POU5F2: variants seen among roughly 807,000 people sequenced by gnomAD.
POU5F2 encodes the protein POU domain, class 5, transcription factor 2.
For synonymous variants in POU5F2, 191 were observed against 178.7 expected, an observed-to-expected ratio of 1.07 and a Z score of -0.55; for missense variants, 401 against 426.6, an observed-to-expected ratio of 0.94 and a Z score of 0.53.
In POU5F2 at chr5:93,737,762, G is replaced by A. The variant is rs887427363; in HGVS notation, c.*2815C>T. ...AAAGAACATCTCCTCAACAAATGGT[G>A]CTGGGAAAACTGGCTATCCACATGC... On this transcript the variant is annotated 3_prime_UTR_variant, in exon 1 of 1. Transcript: ENST00000606183. 7 of 329,668 alleles carry A rather than the reference G, an allele frequency of 2.1e-5. No homozygotes were observed. 20.4% of individuals were successfully genotyped at this position (329,668 alleles called of 1,614,324 possible).
chr5:93,734,533 C>T lies in POU5F2; in HGVS notation c.*6044G>A, dbSNP rs1226948571. On this transcript the variant is annotated 3_prime_UTR_variant, in exon 1 of 1. Transcript: ENST00000606183. ...TTATTCTGCTTATACTCTAAAGGGG[C>T]TCAGCATCTTCAGATTAAAAATACT... is the stretch of plus-strand genomic sequence containing the variant. 6.6e-6 allele frequency: 1 copy of T among 152,092 alleles called. No homozygotes were observed. Among genetic ancestry groups the T allele is most frequent in the Non-Finnish European group, 1.5e-5 (1 of 68,014 alleles). 9.4% of individuals were successfully genotyped at this position (152,092 alleles called of 1,614,324 possible).
rs940899889 is a variant in POU5F2, at chr5:93,738,993, G to A, written c.*1584C>T. ...AAAGGTAAAGTTTCTACAGTCTCAT[G>A]AAGAAAAGATTAAATAAAAAGCTTA... On this transcript the variant is annotated 3_prime_UTR_variant, in exon 1 of 1. Coordinates refer to ENST00000606183, the MANE Select transcript of POU5F2 (RefSeq NM_153216.2). 2 of 152,198 alleles carry A rather than the reference G, an allele frequency of 1.3e-5. No individual in the cohort carries two copies. The highest frequency in any genetic ancestry group is 2.1e-4 in the South Asian group (1 of 4,828). The allele number at this position is 152,198 out of a possible 1,614,324, so 9.4% of individuals were successfully genotyped here.
At position 93,740,678 on chromosome 5, in the gene POU5F2, G is replaced by A. The variant is rs1382960007; in HGVS notation, c.886C>T (p.Leu296=). The A allele has an allele frequency of 6.2e-7, 1 of 1,613,834 alleles. No homozygotes were observed. Among genetic ancestry groups the A allele is most frequent in the Non-Finnish European group, 8.5e-7 (1 of 1,179,882 alleles). Residue 296 remains leucine (L), a synonymous_variant, in exon 1 of 1, where the codon CTG becomes TTG. Coordinates refer to ENST00000606183, the MANE Select transcript of POU5F2 (RefSeq NM_153216.2). ...PGAPVCFHLG[L]GLPVDIPHYT... ...TGGGGGATATCCACTGGGAGCCCCA[G>A]TCCCAGGTGAAAGCACACTGGTGCT...
chr5:93,733,390 G>A lies in POU5F2; in HGVS notation c.*7187C>T, dbSNP rs1746556147. 1 of 151,822 alleles carries A rather than the reference G, an allele frequency of 6.6e-6. No homozygotes were observed. Among genetic ancestry groups the A allele is most frequent in the South Asian group, 2.1e-4 (1 of 4,808 alleles). 9.4% of individuals were successfully genotyped at this position (151,822 alleles called of 1,614,324 possible). ...TAACTTTTGTATTTTTAGTAGAGAT[G>A]GGTTTTTACCATGTAGACCAGGATG... On this transcript the variant is annotated 3_prime_UTR_variant, in exon 1 of 1. Coordinates refer to ENST00000606183, the MANE Select transcript of POU5F2 (RefSeq NM_153216.2).
Position 93,740,792 on chromosome 5 carries a change from A to T in POU5F2, c.772T>A (p.Phe258Ile). Residue 258 changes from phenylalanine (F) to isoleucine (I), a missense_variant, in exon 1 of 1, where the codon TTC becomes ATC. Transcript: ENST00000606183. ...CTGCCCATCTTGCTGCGGTTATAGAACCAAACTCGAACCACATCCTTCTGC... is the reference window on the plus strand; with the variant it reads ...CTGCCCATCTTGCTGCGGTTATAGATCCAAACTCGAACCACATCCTTCTGC... ...QLQKDVVRVW[F>I]YNRSKMGSRP... 1 of 1,612,668 alleles carries T rather than the reference A, an allele frequency of 6.2e-7. No homozygotes were observed. Among genetic ancestry groups the T allele is most frequent in the Non-Finnish European group, 8.5e-7 (1 of 1,179,194 alleles).
chr5:93,741,422 G>A lies in POU5F2; in HGVS notation c.142C>T (p.Pro48Ser). ...QAAPGRVMVW[P>S]AVRPGICPGP... ...GGGCAGATCCCTGGCCTGACTGCCG[G>A]CCAGACCATCACCCTGCCAGGGGCC... The change falls in exon 1 of 1, where the codon CCG (proline) becomes TCG (serine). Residue 48 changes from proline (P) to serine (S), a missense_variant. Coordinates refer to ENST00000606183, the MANE Select transcript of POU5F2 (RefSeq NM_153216.2). 1 of 1,613,452 alleles carries A rather than the reference G, an allele frequency of 6.2e-7. No individual in the cohort carries two copies. The highest frequency in any genetic ancestry group is 8.5e-7 in the Non-Finnish European group (1 of 1,179,790).
chr5:93,738,479 CA>C lies in POU5F2; in HGVS notation c.*2097del, dbSNP rs1747697392. 1 of 152,124 alleles carries C rather than the reference CA, an allele frequency of 6.6e-6. No individual in the cohort carries two copies. The highest frequency in any genetic ancestry group is 2.4e-5 in the African/African-American group (1 of 41,412). 9.4% of individuals were successfully genotyped at this position (152,124 alleles called of 1,614,324 possible). ...CAAGAGAACTGAAACAACAGATAAA[CA>C]AATAGATTATTATATGTAAATGTTC... On this transcript the variant is annotated 3_prime_UTR_variant, in exon 1 of 1. Transcript: ENST00000606183.
At position 93,739,655 on chromosome 5, in the gene POU5F2, A is replaced by G. The variant is rs1449730077; in HGVS notation, c.*922T>C. The G allele has an allele frequency of 1.3e-5, 2 of 152,172 alleles. No individual in the cohort carries two copies. The highest frequency in any genetic ancestry group is 2.9e-5 in the Non-Finnish European group (2 of 68,032). The allele number at this position is 152,172 out of a possible 1,614,324, so 9.4% of individuals were successfully genotyped here. ...GTAGAAGTGGAAAACTGAAAAGACC[A>G]ATTTCAGAGATGAAATTAGAAGAGT... On this transcript the variant is annotated 3_prime_UTR_variant, in exon 1 of 1. Transcript: ENST00000606183.
rs1421348192 is a variant in POU5F2, at chr5:93,735,794, T to C, written c.*4783A>G. The C allele has an allele frequency of 6.6e-6, 1 of 152,058 alleles. No individual in the cohort carries two copies. The highest frequency in any genetic ancestry group is 1.5e-5 in the Non-Finnish European group (1 of 68,020). 9.4% of individuals were successfully genotyped at this position (152,058 alleles called of 1,614,324 possible). On this transcript the variant is annotated 3_prime_UTR_variant, in exon 1 of 1. Coordinates refer to ENST00000606183, the MANE Select transcript of POU5F2 (RefSeq NM_153216.2). The stretch of plus-strand genomic sequence containing the variant: ...TAGACACTGACAAGAAGAAAAAGCA[T>C]ACATTTGTTAAGCTGGGTCCCTGTA...
chr5:93,740,412 C>A lies in POU5F2; in HGVS notation c.*165G>T, dbSNP rs1580994009. ...ACTTCATCTTCTCTCCCAGGTTTTT[C>A]TTGAACAATTCCCACCCCCATTCCC... On this transcript the variant is annotated 3_prime_UTR_variant, in exon 1 of 1. Transcript: ENST00000606183. The A allele has an allele frequency of 2.8e-6, 2 of 710,284 alleles. No individual in the cohort carries two copies. Among genetic ancestry groups the A allele is most frequent in the Non-Finnish European group, 4.5e-6 (2 of 446,508 alleles). The allele number at this position is 710,284 out of a possible 1,614,324, so 44.0% of individuals were successfully genotyped here. A position where few individuals can be genotyped will look rare whatever the true frequency, so the allele number is the denominator to read the frequency against.
chr5:93,735,043 C>T lies in POU5F2; in HGVS notation c.*5534G>A, dbSNP rs1020166407. The T allele has an allele frequency of 6.6e-6, 1 of 152,232 alleles. No homozygotes were observed. Among genetic ancestry groups the T allele is most frequent in the Admixed American group, 6.5e-5 (1 of 15,278 alleles). The allele number at this position is 152,232 out of a possible 1,614,324, so 9.4% of individuals were successfully genotyped here. On this transcript the variant is annotated 3_prime_UTR_variant, in exon 1 of 1. Coordinates refer to ENST00000606183, the MANE Select transcript of POU5F2 (RefSeq NM_153216.2). ...AAGTGCTGGAATTACAGGCATGAGC[C>T]ACCGCACCTGGCCAATGTATCTTGG...
In POU5F2 at chr5:93,739,314, A is replaced by T. The variant is rs1395674147; in HGVS notation, c.*1263T>A. On this transcript the variant is annotated 3_prime_UTR_variant, in exon 1 of 1. Transcript: ENST00000606183. Reference sequence around the variant, plus strand: ...CTAAAAAAGAACAATGAAAGAAACCAGAAGAAACTAGGAAAAAATTAAGAA... The same window carrying T: ...CTAAAAAAGAACAATGAAAGAAACCTGAAGAAACTAGGAAAAAATTAAGAA... 6.6e-6 allele frequency: 1 copy of T among 152,182 alleles called. No individual in the cohort carries two copies. Among genetic ancestry groups the T allele is most frequent in the Non-Finnish European group, 1.5e-5 (1 of 68,036 alleles). 9.4% of individuals were successfully genotyped at this position (152,182 alleles called of 1,614,324 possible). A position where few individuals can be genotyped will look rare whatever the true frequency, so the allele number is the denominator to read the frequency against.
rs1424725462 is a variant in POU5F2, at chr5:93,733,985, CAG to C, written c.*6590_*6591del. 6.6e-6 allele frequency: 1 copy of C among 152,152 alleles called. No individual in the cohort carries two copies. Among genetic ancestry groups the C allele is most frequent in the African/African-American group, 2.4e-5 (1 of 41,422 alleles). 9.4% of individuals were successfully genotyped at this position (152,152 alleles called of 1,614,324 possible). On this transcript the variant is annotated 3_prime_UTR_variant, in exon 1 of 1. Coordinates refer to ENST00000606183, the MANE Select transcript of POU5F2 (RefSeq NM_153216.2). ...TTCTGAAAAACAAATCCCCATGAGA[CAG>C]ACTTGGTATAATAAACAAGGATATA...
rs189444246 is a variant in POU5F2, at chr5:93,736,248, T to C, written c.*4329A>G. ...CTAATCTTATACAAGTGTATATGTG[T>C]AATCTTGATACACCTCCATTGTCCA... On this transcript the variant is annotated 3_prime_UTR_variant, in exon 1 of 1. Coordinates refer to ENST00000606183, the MANE Select transcript of POU5F2 (RefSeq NM_153216.2). 81 of 152,316 alleles carry C rather than the reference T, an allele frequency of 5.3e-4. No homozygotes were observed. Among genetic ancestry groups the C allele is most frequent in the African/African-American group, 1.9e-3 (78 of 41,574 alleles). The allele number at this position is 152,316 out of a possible 1,614,324, so 9.4% of individuals were successfully genotyped here.
chr5:93,741,550 C>A lies in POU5F2; in HGVS notation c.14G>T (p.Arg5Met), dbSNP rs577438749. 1.3e-5 allele frequency: 20 copies of A among 1,570,536 alleles called. No individual in the cohort carries two copies. The East Asian group carries it at 4.4e-4, about 34-fold the overall frequency. The change falls in exon 1 of 1, where the codon AGG (arginine) becomes ATG (methionine). Residue 5 changes from arginine (R) to methionine (M), a missense_variant. Physicochemically the swap from Arg to Met is moderately conservative, Grantham distance 91 (BLOSUM62 -1). Coordinates refer to ENST00000606183, the MANE Select transcript of POU5F2 (RefSeq NM_153216.2). MAGH[R>M]PSNHFCPLPG... The stretch of plus-strand genomic sequence containing the variant: ...AAGGGGGCAGAAGTGGTTTGAGGGC[C>A]TGTGTCCGGCCATGGGTGGAATGGC...
rs947750659 is a variant in POU5F2 at position 93,738,681 on chromosome 5, G to A, written c.*1896C>T. On this transcript the variant is annotated 3_prime_UTR_variant, in exon 1 of 1. Transcript: ENST00000606183. ...TACAACACAGATGAACCTTGAAAAT[G>A]TGCTAAGTGAAATAAGCCAGATACA... 28 of 152,362 alleles carry A rather than the reference G, an allele frequency of 1.8e-4. No homozygotes were observed. Among genetic ancestry groups the A allele is most frequent in the African/African-American group, 5.0e-4 (21 of 41,590 alleles). 9.4% of individuals were successfully genotyped at this position (152,362 alleles called of 1,614,324 possible).
In POU5F2 at chr5:93,741,506, C is replaced by G; in HGVS notation, c.58G>C (p.Gly20Arg). The change falls in exon 1 of 1, where the codon GGC becomes CGC. Residue 20 changes from glycine (G) to arginine (R), a missense_variant. Transcript: ENST00000606183. The part of the protein sequence containing the change: ...FCPLPGSGGG[G>R]PRGPMPLRVD... ...CGCAGGGGCATCGGCCCTCTGGGGC[C>G]GCCCCCACCACTGCCTGGAAGGGGG... 6.2e-7 allele frequency: 1 copy of G among 1,611,000 alleles called. No homozygotes were observed. Among genetic ancestry groups the G allele is most frequent in the Non-Finnish European group, 8.5e-7 (1 of 1,178,728 alleles).
rs1359328153 is a variant in POU5F2, at chr5:93,739,866, A to G, written c.*711T>C. On this transcript the variant is annotated 3_prime_UTR_variant, in exon 1 of 1. Transcript: ENST00000606183. ...CTCTGAAGTCCAGCTTGCCAACCTC[A>G]GTAACAAAGGAGTTTAGAATACAGT... 1 of 152,168 alleles carries G rather than the reference A, an allele frequency of 6.6e-6. No homozygotes were observed. Among genetic ancestry groups the G allele is most frequent in the African/African-American group, 2.4e-5 (1 of 41,422 alleles). The allele number at this position is 152,168 out of a possible 1,614,324, so 9.4% of individuals were successfully genotyped here. A position where few individuals can be genotyped will look rare whatever the true frequency, so the allele number is the denominator to read the frequency against.
At position 93,740,437 on chromosome 5, in the gene POU5F2, C is replaced by A. The variant is rs1173538787; in HGVS notation, c.*140G>T. ...CTTGAACAATTCCCACCCCCATTCC[C>A]TACTATGTATCCTTAACTTCTTTAG... is the stretch of plus-strand genomic sequence containing the variant. On this transcript the variant is annotated 3_prime_UTR_variant, in exon 1 of 1. Coordinates refer to ENST00000606183, the MANE Select transcript of POU5F2 (RefSeq NM_153216.2). The A allele has an allele frequency of 2.2e-6, 2 of 898,482 alleles. No homozygotes were observed. Among genetic ancestry groups the A allele is most frequent in the Non-Finnish European group, 3.3e-6 (2 of 601,410 alleles). The allele number at this position is 898,482 out of a possible 1,614,324, so 55.7% of individuals were successfully genotyped here. A position where few individuals can be genotyped will look rare whatever the true frequency, so the allele number is the denominator to read the frequency against.
Sources: allele counts gnomAD v4.1 joint callset, GRCh38; gene constraint gnomAD v4.1.1; transcripts MANE v1.5; gene names NCBI Gene and HGNC (gene_info 2026-07-23, HGNC 2026-07-21).